The following TBL1XR1 variants were observed in gnomAD, a reference collection of about 807,000 sequenced individuals.
TBL1XR1 encodes TBL1X/Y related 1, also known as F-box-like/WD repeat-containing protein TBL1XR1.
A neutral mutation model predicts 66.9 loss-of-function variants in TBL1XR1; 5 were observed. The ratio of observed to expected loss-of-function variants is 0.07; its 90% CI spans 0.04 to 0.16. TBL1XR1 has a LOEUF of 0.16. TBL1XR1 is among the 10% of genes least tolerant of loss of function. The probability of loss-of-function intolerance (pLI) is 1.00; values close to 1 mark genes in which losing one functional copy is unlikely to be tolerated. For missense variants in TBL1XR1, 238 were observed against 623.2 expected (o/e 0.38, Z 6.58); for synonymous variants, 210 against 206.0 (o/e 1.02, Z -0.17).
At chr3:177,032,444 G>A (rs1404712569) in intron 14 of TBL1XR1, 2 of 152,150 alleles carry the variant, frequency 1.3e-5, no homozygotes, top group South Asian at 4.1e-4. Context: ...TATTAAAAAA[G>A]TATAGTACAT....
chr3:177,134,213 C>G (rs1728639921), intron 1 of TBL1XR1, among the ~76,000 whole-genome samples: 2 of 152,144 alleles, frequency 1.3e-5, no homozygotes, highest in Admixed American at 1.3e-4. Flanking sequence ...ATGAACTTCC[C>G]CATCTTTCCC....
At chr3:177,091,312 G>C (rs1722817103) in intron 2 of TBL1XR1, 1 of 151,632 alleles carries the variant, frequency 6.6e-6, no homozygotes, top group Admixed American at 6.6e-5. Flanking sequence ...TGTACTTAAA[G>C]TACTTATAAA....
At chr3:177,038,914 A>C (rs1396725954) in intron 10 of TBL1XR1, among the ~76,000 whole-genome samples, 1 of 152,208 alleles carries the variant, frequency 6.6e-6, no homozygotes, top group Admixed American at 6.5e-5. Flanking sequence ...CTCACACACA[A>C]GAGTGAGGAT....
intron 1 of TBL1XR1, among the ~76,000 whole-genome samples, chr3:177,112,064 T>C (rs1242372287): frequency 1.7e-5 from 2 of 120,120 alleles, no homozygotes; most frequent in African/African-American, 6.2e-5. Context: ...ACAACAAAGA[T>C]ATAAAATCAA....
chr3:177,045,760 T>G (rs957556632), intron 10 of TBL1XR1, among the ~76,000 whole-genome samples: 1 of 152,178 alleles, frequency 6.6e-6, no homozygotes, highest in Non-Finnish European at 1.5e-5. Context: ...ATCCCTCATT[T>G]ACAGACAGTG....
At chr3:177,107,581 T>TA in intron 1 of TBL1XR1, among the ~76,000 whole-genome samples, 1 of 152,170 alleles carries the variant, frequency 6.6e-6, no homozygotes, top group East Asian at 1.9e-4. Flanking sequence ...GCTTTCAATT[T>TA]AACTTGTTCA....
intron 11 of TBL1XR1, 64 bp downstream of exon 11, chr3:177,038,249 A>G: frequency 1.9e-6 from 3 of 1,596,934 alleles, no homozygotes; most frequent in Non-Finnish European, 2.6e-6. Flanking sequence ...TACATACTTT[A>G]AAACTATTCT....
intron 12 of TBL1XR1, among the ~76,000 whole-genome samples, chr3:177,036,257 GACC>G (rs1368764559): frequency 6.6e-6 from 1 of 152,138 alleles, no homozygotes; most frequent in Non-Finnish European, 1.5e-5. Flanking sequence ...GGATTTTAAA[GACC>G]ACCTATCTGC....
At chr3:177,143,029 A>T (rs565594280) in intron 1 of TBL1XR1, among the ~76,000 whole-genome samples, 2 of 150,544 alleles carry the variant, frequency 1.3e-5, no homozygotes, top group South Asian at 2.1e-4. Context: ...TGGTCATTTC[A>T]CTATTTAAAA....
At chr3:177,173,624 G>A (rs1382886714) in intron 1 of TBL1XR1, among the ~76,000 whole-genome samples, 1 of 152,112 alleles carries the variant, frequency 6.6e-6, no homozygotes, top group Middle Eastern at 3.2e-3. Context: ...GGAGACTAAG[G>A]AGAAAACTAA....
At chr3:177,076,899 T>A (rs1413966608) in intron 2 of TBL1XR1, among the ~76,000 whole-genome samples, 1 of 152,228 alleles carries the variant, frequency 6.6e-6, no homozygotes, top group Non-Finnish European at 1.5e-5. Context: ...TGTGACCTAA[T>A]TTGGCCAGTG....
intron 1 of TBL1XR1, among the ~76,000 whole-genome samples, chr3:177,162,312 C>T (rs1194468177): frequency 6.6e-6 from 1 of 152,100 alleles, no homozygotes; most frequent in Non-Finnish European, 1.5e-5. Context: ...GAACACAGGT[C>T]AATACAGTGG....
chr3:177,032,085 C>T (rs565900599), intron 14 of TBL1XR1, among the ~76,000 whole-genome samples: 4 of 152,022 alleles, frequency 2.6e-5, no homozygotes, highest in South Asian at 2.1e-4. Context: ...TTGAACTGTG[C>T]GGTAAAATAT....
intron 1 of TBL1XR1, among the ~76,000 whole-genome samples, chr3:177,142,690 T>C (rs1194523905): frequency 6.6e-6 from 1 of 152,098 alleles, no homozygotes; most frequent in Non-Finnish European, 1.5e-5. Flanking sequence ...ATAAGTAAAT[T>C]TAAGAAGCAA....
At chr3:177,082,632 A>G (rs1369364683) in intron 2 of TBL1XR1, among the ~76,000 whole-genome samples, 2 of 150,450 alleles carry the variant, frequency 1.3e-5, no homozygotes, top group African/African-American at 4.9e-5. Context: ...TAATACAACT[A>G]TACTTGTCTC....
rs181790076 is a variant in TBL1XR1, at chr3:177,119,040, C to T, written c.-121-20499G>A. ...AGGCTGGAGTGCAGTGGCATGATCT[C>T]GGTTCACTGTAACCTCCGCCTCCTA... On this transcript the variant is annotated intron_variant, in intron 1 of 15. Coordinates refer to ENST00000457928, the MANE Select transcript of TBL1XR1 (RefSeq NM_024665.7). Among the ~76,000 whole-genome samples, 5 of 152,234 alleles carry T rather than the reference C, an allele frequency of 3.3e-5. No individual in the cohort carries two copies. In the East Asian group the frequency reaches 5.8e-4, roughly 18 times the overall value.
intron 2 of TBL1XR1, among the ~76,000 whole-genome samples, 167 bp downstream of exon 2, chr3:177,098,299 C>T (rs1215208053): frequency 5.3e-5 from 8 of 151,740 alleles, no homozygotes; most frequent in Non-Finnish European, 4.4e-5. Flanking sequence ...TTTTTAAATA[C>T]TTTAAACTAC....
At chr3:177,035,384 AC>A (rs1714629102) in intron 12 of TBL1XR1, among the ~76,000 whole-genome samples, 1 of 148,976 alleles carries the variant, frequency 6.7e-6, no homozygotes, top group South Asian at 2.1e-4. Flanking sequence ...CTTACTCTGT[AC>A]TACCTACACA....
intron 2 of TBL1XR1, among the ~76,000 whole-genome samples, chr3:177,091,502 A>C (rs1447327213): frequency 6.6e-6 from 1 of 152,204 alleles, no homozygotes; most frequent in Non-Finnish European, 1.5e-5. Context: ...GACATGTACA[A>C]GATGAGCTTT....
Sources: gnomAD v4.1 joint callset for allele counts (sites outside exome capture counted in the v4.1 genomes callset) on GRCh38, gnomAD v4.1.1 for gene constraint, MANE v1.5 for transcripts, NCBI Gene and HGNC (gene_info 2026-07-23, HGNC 2026-07-21) for gene names.